The following ATP8B4 variants were observed in gnomAD, a reference collection of about 807,000 sequenced individuals.
ATP8B4 encodes the protein probable phospholipid-transporting ATPase IM.
ATP8B4 carries 133 observed loss-of-function variants against 145.6 expected under a neutral mutation model. The observed-to-expected ratio is 0.91, with a 90% CI of 0.79 to 1.05. The LOEUF is 1.05. Among genes scored for constraint, ATP8B4 ranks in the 50% least tolerant of loss-of-function variants. The pLI, the probability that ATP8B4 is intolerant of heterozygous loss-of-function variation, is 0.00. For synonymous variants in ATP8B4, 507 were observed against 492.9 expected, an observed-to-expected ratio of 1.03 and a Z score of -0.38; for missense variants, 1,458 against 1,425.2, an observed-to-expected ratio of 1.02 and a Z score of -0.37.
intron 1 of ATP8B4, among the ~76,000 whole-genome samples, chr15:50,117,870 G>T (rs529202033): frequency 1.6e-4 from 24 of 152,284 alleles, no homozygotes; most frequent in African/African-American, 5.1e-4. Flanking sequence ...GGAACTGGAG[G>T]ATATTATGTT....
chr15:49,999,088 T>C (rs1487369880), intron 8 of ATP8B4, among the ~76,000 whole-genome samples: 2 of 152,208 alleles, frequency 1.3e-5, no homozygotes, highest in Middle Eastern at 3.4e-3. Context: ...TGCACACATA[T>C]GTTTATTGTG....
intron 5 of ATP8B4, among the ~76,000 whole-genome samples, chr15:50,040,544 G>C (rs12908130): frequency 0.081 from 12,378 of 152,242 alleles, 524 homozygotes; most frequent in South Asian, 0.12. Flanking sequence ...CACAAAAGGT[G>C]AAAGCACATT....
intron 11 of ATP8B4, among the ~76,000 whole-genome samples, chr15:49,980,840 G>GA (rs2046089951): frequency 6.6e-6 from 1 of 152,216 alleles, no homozygotes; most frequent in Non-Finnish European, 1.5e-5. Flanking sequence ...ACACACCCGT[G>GA]AAGCCAGCCC....
In ATP8B4 at chr15:50,086,444, A is replaced by T. The variant is rs186295687; in HGVS notation, c.29-12259T>A. On this transcript the variant is annotated intron_variant, in intron 2 of 27. Transcript: ENST00000284509. ...ATAGAGATCTATAATTATATATAAT[A>T]AAATAATAGAGATCTATATTATTAT... Among the ~76,000 whole-genome samples, 21 of 46,814 alleles carry T rather than the reference A, an allele frequency of 4.5e-4. 2 individuals carry two copies. The highest frequency in any genetic ancestry group is 0.023 in the Middle Eastern group (1 of 44). 30.7% of individuals were successfully genotyped at this position (46,814 alleles called of 152,430 possible). A position where few individuals can be genotyped will look rare whatever the true frequency, so the allele number is the denominator to read the frequency against.
At chr15:49,867,131 C>T (rs1479511865) in intron 25 of ATP8B4, among the ~76,000 whole-genome samples, 2 of 152,174 alleles carry the variant, frequency 1.3e-5, no homozygotes, top group African/African-American at 4.8e-5. Context: ...TGGTCTGCTA[C>T]TGGAGAATCA....
At chr15:50,071,875 T>C (rs1006965555) in intron 3 of ATP8B4, among the ~76,000 whole-genome samples, 1 of 152,166 alleles carries the variant, frequency 6.6e-6, no homozygotes. Flanking sequence ...TGCCAGTATA[T>C]TGTTCTACAA....
chr15:49,945,973 A>T (rs970751575), intron 14 of ATP8B4, among the ~76,000 whole-genome samples: 2 of 152,174 alleles, frequency 1.3e-5, no homozygotes, highest in Admixed American at 1.3e-4. Context: ...CACTTCTACT[A>T]GATGTAATAC....
At chr15:50,067,452 AGT>A (rs1293735112) in intron 3 of ATP8B4, among the ~76,000 whole-genome samples, 2 of 152,164 alleles carry the variant, frequency 1.3e-5, no homozygotes, top group African/African-American at 2.4e-5. Flanking sequence ...CCTTGCTAAC[AGT>A]GGTGGTACAA....
At chr15:49,957,605 T>G (rs1376695943) in intron 14 of ATP8B4, among the ~76,000 whole-genome samples, 1 of 151,988 alleles carries the variant, frequency 6.6e-6, no homozygotes, top group Non-Finnish European at 1.5e-5. Flanking sequence ...TGGGCAAATA[T>G]AAACGAAAAA....
intron 2 of ATP8B4, 44 bp from the exon 3 acceptor site, chr15:50,074,229 G>C (rs28510642): frequency 0.036 from 55,180 of 1,522,522 alleles, 1,303 homozygotes; most frequent in African/African-American, 0.093. Flanking sequence ...TGTAGGCCCA[G>C]AGAAACAAAT....
chr15:49,939,022 T>C (rs958593516), intron 14 of ATP8B4, among the ~76,000 whole-genome samples: 2 of 152,096 alleles, frequency 1.3e-5, no homozygotes, highest in African/African-American at 4.8e-5. Context: ...AGTATGAAAT[T>C]AAGGCAGAAG....
intron 6 of ATP8B4, among the ~76,000 whole-genome samples, chr15:50,027,411 A>ATGGATGGATGG (rs1555460590): frequency 1.3e-5 from 2 of 151,946 alleles, no homozygotes; most frequent in South Asian, 2.1e-4. Context: ...GGATGGATGG[A>ATGGATGGATGG]AAACATGAAT....
intron 27 of ATP8B4, among the ~76,000 whole-genome samples, chr15:49,861,484 A>G (rs2031795581): frequency 6.6e-6 from 1 of 150,492 alleles, no homozygotes; most frequent in African/African-American, 2.5e-5. Context: ...CTACCTACCT[A>G]CCTACCTACC....
intron 9 of ATP8B4, among the ~76,000 whole-genome samples, chr15:49,991,983 T>A (rs2047078139): frequency 6.6e-6 from 1 of 152,204 alleles, no homozygotes; most frequent in African/African-American, 2.4e-5. Context: ...TACTTTGGTT[T>A]ACAACCTGGG....
chr15:50,057,914 T>A (rs530541732), intron 3 of ATP8B4, among the ~76,000 whole-genome samples: 7 of 152,228 alleles, frequency 4.6e-5, no homozygotes, highest in Non-Finnish European at 1.0e-4. Context: ...CCAGGGTGTT[T>A]AGACGTATAT....
chr15:50,079,204 T>C (rs1416979008), intron 2 of ATP8B4, among the ~76,000 whole-genome samples: 2 of 152,128 alleles, frequency 1.3e-5, no homozygotes, highest in Non-Finnish European at 2.9e-5. Context: ...TAAATAGATA[T>C]ACCTACTATG....
chr15:50,021,219 A>G (rs1027629181), intron 6 of ATP8B4, among the ~76,000 whole-genome samples: 58 of 152,128 alleles, frequency 3.8e-4, no homozygotes, highest in Non-Finnish European at 5.4e-4. Context: ...TGTCCATGGC[A>G]TCATCATCAT....
intron 3 of ATP8B4, among the ~76,000 whole-genome samples, chr15:50,071,180 T>C (rs2053710033): frequency 6.6e-6 from 1 of 152,194 alleles, no homozygotes; most frequent in Non-Finnish European, 1.5e-5. Context: ...TTTTGTTCAA[T>C]ATCATGAAAA....
chr15:50,159,826 A>G (rs1037833453), intron 1 of ATP8B4, among the ~76,000 whole-genome samples: 1 of 152,136 alleles, frequency 6.6e-6, no homozygotes, highest in African/African-American at 2.4e-5. Flanking sequence ...AATAAATCCC[A>G]CTTGGTCATG....
Sources: gnomAD v4.1 joint callset for allele counts (sites outside exome capture counted in the v4.1 genomes callset) on GRCh38, gnomAD v4.1.1 for gene constraint, MANE v1.5 for transcripts, NCBI Gene and HGNC (gene_info 2026-07-23, HGNC 2026-07-21) for gene names.